Variants in TBC1D2B observed in about 807,000 individuals in gnomAD.
TBC1D2B encodes TBC1 domain family member 2B.
TBC1D2B carries 64 observed loss-of-function variants against 100.8 expected under a neutral mutation model. The ratio of observed to expected loss-of-function variants is 0.64; its 90% confidence interval spans 0.52 to 0.78. The LOEUF is 0.78. Among genes scored for constraint, TBC1D2B ranks in the 30% least tolerant of loss-of-function variants. The probability of loss-of-function intolerance (pLI) is 0.00; values close to 1 mark genes in which losing one functional copy is unlikely to be tolerated. For synonymous variants in TBC1D2B, 480 were observed against 479.7 expected, an observed-to-expected ratio of 1.00 and a Z score of -0.01; for missense variants, 1,052 against 1,218.4, an observed-to-expected ratio of 0.86 and a Z score of 2.03.
intron 1 of TBC1D2B, among the ~76,000 whole-genome samples, chr15:78,072,418 G>A (rs1426035340): frequency 2.0e-5 from 3 of 152,242 alleles, no homozygotes; most frequent in Non-Finnish European, 2.9e-5. Flanking sequence ...CTTCAAGACT[G>A]AGCAGATGCC....
intron 3 of TBC1D2B, among the ~76,000 whole-genome samples, chr15:78,042,354 G>A (rs2073107731): frequency 6.6e-6 from 1 of 152,198 alleles, no homozygotes; most frequent in Non-Finnish European, 1.5e-5. Flanking sequence ...AAAGGGGGAA[G>A]GAGCACTGGG....
chr15:78,001,693 C>G lies in TBC1D2B; in HGVS notation c.2622G>C (p.Glu874Asp). The change falls in exon 12 of 13, where the codon GAG becomes GAC. Residue 874 changes from glutamate to aspartate, a missense_variant. Glu to Asp is a conservative substitution (Grantham distance 45). Transcript: ENST00000300584. ...ALALFKYKEEEILKLQDSMSI... is the reference protein window; with the variant it reads ...ALALFKYKEEDILKLQDSMSI... ...ACATCGAATCTTGCAATTTCAAAAT[C>G]TCCTCTTCCTTGTACTTAAAAAGTG... The G allele has an allele frequency of 6.2e-7, 1 of 1,608,602 alleles. No homozygotes were observed. Among genetic ancestry groups the G allele is most frequent in the Non-Finnish European group, 8.5e-7 (1 of 1,177,462 alleles).
chr15:78,033,367 A>G (rs1284206868), intron 3 of TBC1D2B, among the ~76,000 whole-genome samples: 1 of 152,234 alleles, frequency 6.6e-6, no homozygotes, highest in Non-Finnish European at 1.5e-5. Flanking sequence ...CAATATAGGT[A>G]AGTCTCCAAA....
At chr15:78,036,192 TA>T (rs912185136) in intron 3 of TBC1D2B, among the ~76,000 whole-genome samples, 3 of 152,232 alleles carry the variant, frequency 2.0e-5, no homozygotes, top group African/African-American at 7.2e-5. Flanking sequence ...GAAGTGGACT[TA>T]AAAGGACTTT....
chr15:78,031,577 A>G, intron 3 of TBC1D2B, among the ~76,000 whole-genome samples: 1 of 147,370 alleles, frequency 6.8e-6, no homozygotes, highest in East Asian at 2.0e-4. Context: ...AAAAAAAAAG[A>G]GAGAGAGAGA....
chr15:78,009,384 C>T (rs933278224), intron 9 of TBC1D2B, among the ~76,000 whole-genome samples: 8 of 151,964 alleles, frequency 5.3e-5, no homozygotes, highest in Admixed American at 5.2e-4. Context: ...AAACAAAAAA[C>T]CAAAAATCAG....
At chr15:78,010,035 G>A (rs2072182404) in intron 9 of TBC1D2B, among the ~76,000 whole-genome samples, 1 of 150,772 alleles carries the variant, frequency 6.6e-6, no homozygotes, top group Admixed American at 6.6e-5. Context: ...TCATCAAGAA[G>A]TTCCAAATAA....
chr15:78,040,855 G>GAAGAAAGA (rs60990991), intron 3 of TBC1D2B, among the ~76,000 whole-genome samples: 1,724 of 74,746 alleles, frequency 0.023, 38 homozygotes, highest in African/African-American at 0.03. Flanking sequence ...AGAAAGAAAG[G>GAAGAAAGA]AAGAAAGAAA....
intron 2 of TBC1D2B, among the ~76,000 whole-genome samples, chr15:78,046,563 C>A (rs1401975794): frequency 6.6e-6 from 1 of 151,870 alleles, no homozygotes; most frequent in Non-Finnish European, 1.5e-5. Flanking sequence ...ACCTCCCAGG[C>A]TCATGCAATC....
intron 6 of TBC1D2B, among the ~76,000 whole-genome samples, chr15:78,022,831 G>A (rs1046217509): frequency 2.6e-5 from 4 of 152,102 alleles, no homozygotes; most frequent in African/African-American, 9.7e-5. Flanking sequence ...TCACAGGCGT[G>A]AGCCACTATG....
At chr15:78,043,213 T>G (rs1219284811) in intron 3 of TBC1D2B, among the ~76,000 whole-genome samples, 2 of 152,156 alleles carry the variant, frequency 1.3e-5, no homozygotes. Flanking sequence ...AGAGGCTACT[T>G]TTTAAAACAG....
At position 78,029,103 on chromosome 15, in the gene TBC1D2B, C is replaced by T. The variant is rs146850462; in HGVS notation, c.847+904G>A. 6.7e-3 allele frequency among the ~76,000 whole-genome samples: 1,010 copies of T among 150,734 alleles called. 12 individuals are homozygous for T. Among genetic ancestry groups the T allele is most frequent in the African/African-American group, 0.024 (974 of 41,068 alleles). On this transcript the variant is annotated intron_variant, in intron 4 of 12. Transcript: ENST00000300584. ...ACAGAGTCTCGGTCTGTCACCCAGG[C>T]TAGAGTGCAGTGGCGCGATCTCCAC...
At position 78,068,384 on chromosome 15, in the gene TBC1D2B, C is replaced by A. The variant is rs1193800732; in HGVS notation, c.360+8909G>T. ...GAAATGAAAGCACACACACCACACC[C>A]ACACACACACACACACACACACACA... On this transcript the variant is annotated intron_variant, in intron 1 of 12. Transcript: ENST00000300584. Among the ~76,000 whole-genome samples, 3 of 21,448 alleles carry A rather than the reference C, an allele frequency of 1.4e-4. No homozygotes were observed. In the East Asian group the frequency reaches 2.1e-3, roughly 15 times the overall value. 14.1% of individuals were successfully genotyped at this position (21,448 alleles called of 152,430 possible). A position where few individuals can be genotyped will look rare whatever the true frequency, so the allele number is the denominator to read the frequency against.
Position 78,077,560 on chromosome 15 carries a change from CGCCGGACCCGCCCCGGGCTCCGCG to C in TBC1D2B, c.69_92del (p.Ala24_Ala31del). On this transcript the variant is annotated inframe_deletion, in exon 1 of 13. Transcript: ENST00000300584. ...AGCCACACAGCCGCGCTGGCTCCCG[CGCCGGACCCGCCCCGGGCTCCGCG>C]GCCGCCCCCTGCGCCGCGCCCTCGC... is the stretch of plus-strand genomic sequence containing the variant. 6.9e-7 allele frequency: 1 copy of C among 1,446,384 alleles called. No homozygotes were observed. The highest frequency in any genetic ancestry group is 1.4e-5 in the South Asian group (1 of 73,628). 89.6% of individuals were successfully genotyped at this position (1,446,384 alleles called of 1,614,324 possible). A position where few individuals can be genotyped will look rare whatever the true frequency, so the allele number is the denominator to read the frequency against.
chr15:77,998,135 A>G lies in TBC1D2B; in HGVS notation c.*25T>C. On this transcript the variant is annotated 3_prime_UTR_variant, in exon 13 of 13. Transcript: ENST00000300584. ...TTGGGCACACTTTGGTTGTGAAGGA[A>G]GGAAGAGCAGCATCCCGAGCCCACT... 3 of 1,486,468 alleles carry G rather than the reference A, an allele frequency of 2.0e-6. No individual in the cohort carries two copies. In the East Asian group the frequency reaches 7.8e-5, roughly 39 times the overall value. 92.1% of individuals were successfully genotyped at this position (1,486,468 alleles called of 1,614,324 possible). A position where few individuals can be genotyped will look rare whatever the true frequency, so the allele number is the denominator to read the frequency against.
chr15:78,023,747 A>G (rs2072577983), intron 6 of TBC1D2B, among the ~76,000 whole-genome samples: 1 of 152,146 alleles, frequency 6.6e-6, no homozygotes, highest in African/African-American at 2.4e-5. Flanking sequence ...AGCTGTTAGG[A>G]GCAATGCTCC....
At chr15:78,060,293 G>C (rs2073515904) in intron 1 of TBC1D2B, among the ~76,000 whole-genome samples, 2 of 152,100 alleles carry the variant, frequency 1.3e-5, no homozygotes, top group African/African-American at 4.8e-5. Flanking sequence ...AATAAACAGT[G>C]GGAAACAAGT....
At chr15:78,037,739 G>A (rs1399326104) in intron 3 of TBC1D2B, among the ~76,000 whole-genome samples, 2 of 152,140 alleles carry the variant, frequency 1.3e-5, no homozygotes, top group Non-Finnish European at 2.9e-5. Flanking sequence ...AAGGAGTGAG[G>A]AAATCAATTT....
intron 1 of TBC1D2B, among the ~76,000 whole-genome samples, chr15:78,070,237 T>A (rs1354493174): frequency 3.3e-5 from 5 of 152,008 alleles, no homozygotes; most frequent in African/African-American, 1.2e-4. Context: ...AACACTTGAC[T>A]TCCTCCTCTC....
Sources: allele counts gnomAD v4.1 joint callset (sites outside exome capture counted in the v4.1 genomes callset), GRCh38; gene constraint gnomAD v4.1.1; transcripts MANE v1.5; gene names NCBI Gene and HGNC (gene_info 2026-07-23, HGNC 2026-07-21).